ZC3H7B: variants seen among roughly 807,000 people sequenced by gnomAD.
The protein encoded by ZC3H7B is zinc finger CCCH-type containing 7B.
Under a neutral mutation model 116.0 loss-of-function variants are expected in ZC3H7B, and 35 were observed. The ratio of observed to expected loss-of-function variants is 0.30; its 90% CI spans 0.23 to 0.40. The LOEUF (loss-of-function observed/expected upper bound fraction) is 0.40. Among genes scored for constraint, ZC3H7B ranks in the 10% least tolerant of loss-of-function variants. ZC3H7B has a pLI of 1.00. For synonymous variants in ZC3H7B, 502 were observed against 545.6 expected, an observed-to-expected ratio of 0.92 and a Z score of 1.11; for missense variants, 1,011 against 1,321.5, an observed-to-expected ratio of 0.77 and a Z score of 3.64.
At chr22:41,332,534 T>C in intron 7 of ZC3H7B, 2 of 353,006 alleles carry the variant, frequency 5.7e-6, no homozygotes, top group Non-Finnish European at 1.0e-5. Flanking sequence ...CTGTGTTGCC[T>C]TTTTTCTCAC....
intron 1 of ZC3H7B, among the ~76,000 whole-genome samples, chr22:41,310,802 T>A (rs2036107114): frequency 6.6e-6 from 1 of 152,222 alleles, no homozygotes; most frequent in Non-Finnish European, 1.5e-5. Flanking sequence ...TCTTGCTCTG[T>A]CACCCAGGCT....
chr22:41,303,744 A>ATTTAT (rs897283744), intron 1 of ZC3H7B, among the ~76,000 whole-genome samples: 33 of 152,186 alleles, frequency 2.2e-4, no homozygotes, highest in East Asian at 3.9e-4. Context: ...GTTACTTTTC[A>ATTTAT]TTTATTTTAT....
At chr22:41,347,241 T>C (rs944953879) in intron 14 of ZC3H7B, among the ~76,000 whole-genome samples, 1 of 152,158 alleles carries the variant, frequency 6.6e-6, no homozygotes, top group African/African-American at 2.4e-5. Flanking sequence ...CCCGCATCCC[T>C]TGTTGTGGGT....
intron 12 of ZC3H7B, among the ~76,000 whole-genome samples, chr22:41,343,095 C>A (rs1216729678): frequency 7.2e-5 from 11 of 152,186 alleles, no homozygotes. Context: ...ATTGCTTGAA[C>A]CCGGAAGGCA....
chr22:41,347,647 C>G (rs1423308954), intron 14 of ZC3H7B, among the ~76,000 whole-genome samples: 1 of 152,164 alleles, frequency 6.6e-6, no homozygotes, highest in African/African-American at 2.4e-5. Context: ...CAACCCTCAT[C>G]CCTGGCACCA....
At position 41,339,202 on chromosome 22, in the gene ZC3H7B, C is replaced by A; in HGVS notation, c.816+11C>A. On this transcript the variant is annotated intron_variant, in intron 9 of 22. Coordinates refer to ENST00000352645, the MANE Select transcript of ZC3H7B (RefSeq NM_017590.6). ...CTCCTGGACTCGCTGGTGAGCCACA[C>A]CACCCTCCTTGTGCTCCCCTGATCC... 1 of 1,598,766 alleles carries A rather than the reference C, an allele frequency of 6.3e-7. No individual in the cohort carries two copies. Among genetic ancestry groups the A allele is most frequent in the Non-Finnish European group, 8.5e-7 (1 of 1,171,044 alleles).
intron 13 of ZC3H7B, 33 bp from the exon 14 acceptor site, chr22:41,345,970 T>C: frequency 6.2e-7 from 1 of 1,612,184 alleles, no homozygotes; most frequent in Non-Finnish European, 8.5e-7. Context: ...TATCCCCGCC[T>C]GGCGGAACGT....
At position 41,355,543 on chromosome 22, in the gene ZC3H7B, C is replaced by T. The variant is rs373971248; in HGVS notation, c.2109C>T (p.Asn703=). 74 of 1,614,150 alleles carry T rather than the reference C, an allele frequency of 4.6e-5. No homozygotes were observed. Among genetic ancestry groups the T allele is most frequent in the Admixed American group, 3.0e-4 (18 of 60,028 alleles). ...MKFVCGQCWR[N]GQVVEPDKDL... ...TTGTATGTGGCCAGTGCTGGAGAAA[C>T]GGGCAGGTGGTGGAGCCTGACAAGG... The change falls in exon 18 of 23, where the codon AAC becomes AAT. Residue 703 remains asparagine (N), a synonymous_variant. Coordinates refer to ENST00000352645, the MANE Select transcript of ZC3H7B (RefSeq NM_017590.6).
intron 1 of ZC3H7B, among the ~76,000 whole-genome samples, chr22:41,313,510 T>G (rs1321489346): frequency 1.3e-5 from 2 of 152,118 alleles, no homozygotes; most frequent in African/African-American, 4.8e-5. Flanking sequence ...GCCTGGGAAA[T>G]GGACAACCTT....
intron 6 of ZC3H7B, among the ~76,000 whole-genome samples, chr22:41,331,563 A>G (rs965328960): frequency 1.3e-5 from 2 of 150,890 alleles, no homozygotes; most frequent in Non-Finnish European, 3.0e-5. Context: ...TCAAAAAAAA[A>G]AAAAAAAAAA....
intron 1 of ZC3H7B, among the ~76,000 whole-genome samples, chr22:41,315,776 T>C (rs2036175097): frequency 6.6e-6 from 1 of 152,238 alleles, no homozygotes; most frequent in Middle Eastern, 3.4e-3. Context: ...AGTAATCCTG[T>C]TGGATCAGGG....
chr22:41,322,634 G>A (rs1464421600), intron 2 of ZC3H7B, among the ~76,000 whole-genome samples: 7 of 152,050 alleles, frequency 4.6e-5, no homozygotes, highest in Middle Eastern at 3.4e-3. Flanking sequence ...TCACTTGCAC[G>A]AGCCCCTTCC....
intron 7 of ZC3H7B, 38 bp downstream of exon 7, chr22:41,332,265 C>T (rs755695575): frequency 6.2e-7 from 1 of 1,611,990 alleles, no homozygotes. Flanking sequence ...TCAGTTTATC[C>T]ATTATGAGAG....
At chr22:41,345,962 T>A in intron 13 of ZC3H7B, 41 bp from the exon 14 acceptor site, 2 of 1,607,874 alleles carry the variant, frequency 1.2e-6, no homozygotes, top group South Asian at 2.2e-5. Flanking sequence ...CGGGCTGCTA[T>A]CCCCGCCTGG....
chr22:41,327,267 T>A lies in ZC3H7B; in HGVS notation c.347T>A (p.Ile116Asn). 1 of 1,614,012 alleles carries A rather than the reference T, an allele frequency of 6.2e-7. No homozygotes were observed. The highest frequency in any genetic ancestry group is 8.5e-7 in the Non-Finnish European group (1 of 1,180,008). ...GCGCTGGGCCTGGACAGTGAGAGTA[T>A]CCGGGCGTTGTTCCGCAAGGCACGC... ...EKALGLDSES[I>N]RALFRKARAL... The change falls in exon 5 of 23, where the codon ATC (isoleucine) becomes AAC (asparagine). Residue 116 changes from isoleucine to asparagine, a missense_variant. Around this residue, in one of 5 missense-constraint regions of ZC3H7B, gnomAD observed 322 missense variants for 443.9 expected, o/e 0.73. Transcript: ENST00000352645. The surrounding 1 kb of genome is among the most constrained non-coding windows in gnomAD (Gnocchi z 4.5).
intron 15 of ZC3H7B, among the ~76,000 whole-genome samples, chr22:41,348,608 T>TGTTCCCC (rs2036618666): frequency 6.6e-6 from 1 of 152,300 alleles, no homozygotes; most frequent in Admixed American, 6.5e-5. Flanking sequence ...TTCTCCCTCT[T>TGTTCCCC]GTTCCCCTTG....
chr22:41,321,308 T>C (rs1484909286), intron 2 of ZC3H7B, among the ~76,000 whole-genome samples: 1 of 150,364 alleles, frequency 6.7e-6, no homozygotes, highest in Non-Finnish European at 1.5e-5. Context: ...TTCTGCCTCC[T>C]GGGTTCAAGC....
intron 1 of ZC3H7B, among the ~76,000 whole-genome samples, chr22:41,320,162 G>A (rs368626992): frequency 4.6e-5 from 7 of 151,560 alleles, no homozygotes; most frequent in African/African-American, 1.2e-4. Flanking sequence ...GCGAAACCTC[G>A]TCTCTACTAA....
chr22:41,356,253 C>A, intron 20 of ZC3H7B, 90 bp from the exon 21 acceptor site: 1 of 1,573,890 alleles, frequency 6.4e-7, no homozygotes, highest in South Asian at 1.2e-5. Flanking sequence ...GGACTTGGGA[C>A]GCCCACGGCT....
Sources: allele counts gnomAD v4.1 joint callset (sites outside exome capture counted in the v4.1 genomes callset), GRCh38; gene constraint gnomAD v4.1.1; regional missense constraint gnomAD v4.1.1; non-coding constraint Gnocchi (gnomAD v3.1); transcripts MANE v1.5; gene names NCBI Gene and HGNC (gene_info 2026-07-23, HGNC 2026-07-21).